Variants in RNF38 observed in about 807,000 individuals in gnomAD.
RNF38 encodes ring finger protein 38, also known as E3 ubiquitin-protein ligase RNF38.
RNF38 carries 15 observed loss-of-function variants against 67.2 expected under a neutral mutation model. The observed-to-expected ratio is 0.22, with a 90% CI of 0.15 to 0.34. The LOEUF (loss-of-function observed/expected upper bound fraction) is 0.34. RNF38 is among the 10% of genes least tolerant of loss of function. The pLI, the probability that RNF38 is intolerant of heterozygous loss-of-function variation, is 1.00. For synonymous variants in RNF38, 220 were observed against 218.8 expected, an observed-to-expected ratio of 1.01 and a Z score of -0.05; for missense variants, 524 against 639.9, an observed-to-expected ratio of 0.82 and a Z score of 1.95.
At chr9:36,415,498 T>C (rs1197794434) in intron 2 of RNF38, among the ~76,000 whole-genome samples, 4 of 152,202 alleles carry the variant, frequency 2.6e-5, no homozygotes, top group Admixed American at 2.6e-4. Flanking sequence ...CAGATTCTTT[T>C]GTCCCATGGG....
intron 2 of RNF38, among the ~76,000 whole-genome samples, chr9:36,390,258 A>C (rs1235722962): frequency 2.0e-5 from 3 of 152,258 alleles, no homozygotes; most frequent in Non-Finnish European, 4.4e-5. Context: ...GTAGTCAAAT[A>C]ATTAACAGTA....
chr9:36,436,785 G>A (rs527444989), intron 1 of RNF38, among the ~76,000 whole-genome samples: 1 of 134,408 alleles, frequency 7.4e-6, no homozygotes, highest in South Asian at 2.3e-4. Context: ...TAGCACCACT[G>A]CACTCCAGCA....
intron 1 of RNF38, among the ~76,000 whole-genome samples, chr9:36,434,625 G>A (rs1346704946): frequency 1.3e-5 from 2 of 152,146 alleles, no homozygotes; most frequent in Non-Finnish European, 2.9e-5. Context: ...CTGACCTCAG[G>A]TGATCTGCCC....
At chr9:36,400,958 C>CG, upstream of RNF38, 1 of 984,742 alleles carries the variant, frequency 1.0e-6, no homozygotes, top group Non-Finnish European at 1.2e-6. Flanking sequence ...ATCACAGACC[C>CG]GGGCTCCCTA....
chr9:36,400,263 G>A lies in RNF38; in HGVS notation c.-155C>T. 1 of 1,369,228 alleles carries A rather than the reference G, an allele frequency of 7.3e-7. No homozygotes were observed. Among genetic ancestry groups the A allele is most frequent in the Non-Finnish European group, 9.5e-7 (1 of 1,056,642 alleles). The allele number at this position is 1,369,228 out of a possible 1,614,324, so 84.8% of individuals were successfully genotyped here. A position where few individuals can be genotyped will look rare whatever the true frequency, so the allele number is the denominator to read the frequency against. On this transcript the variant is annotated 5_prime_UTR_variant, in exon 1 of 12. Transcript: ENST00000259605. The stretch of plus-strand genomic sequence containing the variant: ...GCCTATCCAGAAACCCACGGAAGCA[G>A]AAGGACGCCAGAGAGGACCCTTTCG...
intron 9 of RNF38, among the ~76,000 whole-genome samples, chr9:36,347,607 T>C (rs1833368306): frequency 1.3e-5 from 2 of 152,316 alleles, no homozygotes; most frequent in South Asian, 2.1e-4. Context: ...TTGATAAATG[T>C]TGGGTATTCT....
At chr9:36,440,194 T>C (rs1379076226) in intron 1 of RNF38, among the ~76,000 whole-genome samples, 3 of 151,820 alleles carry the variant, frequency 2.0e-5, no homozygotes, top group Non-Finnish European at 4.4e-5. Flanking sequence ...TGCAGTGAGC[T>C]GAGATCATGC....
intron 9 of RNF38, 99 bp from the exon 10 acceptor site, chr9:36,345,052 C>CTAGA: frequency 7.6e-7 from 1 of 1,314,842 alleles, no homozygotes; most frequent in Non-Finnish European, 1.0e-6. Context: ...GTTGCCCAGG[C>CTAGA]TAGAGTATAG....
chr9:36,378,323 T>C (rs577248519), intron 2 of RNF38, among the ~76,000 whole-genome samples: 2 of 152,050 alleles, frequency 1.3e-5, no homozygotes, highest in South Asian at 2.1e-4. Context: ...ACCACAGGCA[T>C]ATGCCACCAT....
intron 1 of RNF38, among the ~76,000 whole-genome samples, chr9:36,481,996 T>C (rs1840279607): frequency 6.6e-6 from 1 of 151,622 alleles, no homozygotes; most frequent in South Asian, 2.1e-4. Context: ...CAAGCGCAAA[T>C]GTGGCACATA....
intron 2 of RNF38, among the ~76,000 whole-genome samples, chr9:36,384,685 A>G (rs1434839730): frequency 1.3e-5 from 2 of 152,100 alleles, no homozygotes; most frequent in African/African-American, 4.8e-5. Context: ...GTTATGTTAT[A>G]TATCATTTTA....
At chr9:36,451,445 A>G (rs1482013934) in intron 1 of RNF38, among the ~76,000 whole-genome samples, 1 of 151,328 alleles carries the variant, frequency 6.6e-6, no homozygotes, top group African/African-American at 2.4e-5. Context: ...CTGCCTGTGC[A>G]ACAAGAGTGA....
intron 4 of RNF38, among the ~76,000 whole-genome samples, chr9:36,360,495 T>C (rs1257121946): frequency 6.6e-6 from 1 of 152,174 alleles, no homozygotes; most frequent in East Asian, 1.9e-4. Context: ...ACTTACCAAT[T>C]TGGCATCTCT....
chr9:36,369,660 A>T (rs150565142), intron 4 of RNF38, 59 bp downstream of exon 4: 3 of 1,397,474 alleles, frequency 2.1e-6, no homozygotes, highest in Non-Finnish European at 9.6e-7. Context: ...AAAAAAAAAA[A>T]ATCTCAAACT....
intron 2 of RNF38, 58 bp downstream of exon 2, chr9:36,390,409 A>C (rs931141823): frequency 4.1e-6 from 6 of 1,455,576 alleles, no homozygotes; most frequent in Non-Finnish European, 5.5e-6. Context: ...GCCTTCCTAG[A>C]AACACTGTAG....
chr9:36,368,033 A>T (rs369045143), intron 4 of RNF38, among the ~76,000 whole-genome samples: 6 of 152,020 alleles, frequency 3.9e-5, no homozygotes, highest in South Asian at 2.1e-4. Flanking sequence ...TTGTATTTTT[A>T]GTAGAGACGG....
intron 1 of RNF38, among the ~76,000 whole-genome samples, chr9:36,441,739 T>C (rs1197492659): frequency 6.6e-6 from 1 of 152,214 alleles, no homozygotes; most frequent in African/African-American, 2.4e-5. Context: ...CAACAACTTG[T>C]GCACCTCTTT....
chr9:36,415,089 C>T (rs1287431955), intron 2 of RNF38, among the ~76,000 whole-genome samples: 3 of 152,164 alleles, frequency 2.0e-5, no homozygotes, highest in African/African-American at 4.8e-5. Flanking sequence ...ATGTATAGAT[C>T]TCTAGCAAGG....
chr9:36,400,450 G>A, upstream of RNF38: 1 of 1,065,898 alleles, frequency 9.4e-7, no homozygotes, highest in Non-Finnish European at 1.1e-6. Flanking sequence ...CCGGGCGGCC[G>A]AGGCAAACCT....
Sources: gnomAD v4.1 joint callset for allele counts (sites outside exome capture counted in the v4.1 genomes callset) on GRCh38, gnomAD v4.1.1 for gene constraint, MANE v1.5 for transcripts, NCBI Gene and HGNC (gene_info 2026-07-23, HGNC 2026-07-21) for gene names.